The following KIF19 variants were observed in gnomAD, a reference collection of about 807,000 sequenced individuals.
KIF19 encodes kinesin-like protein KIF19.
In KIF19, 98 loss-of-function variants were observed where a neutral mutation model predicts 106.6. The observed-to-expected ratio is 0.92, with a 90% CI of 0.78 to 1.09. The LOEUF (loss-of-function observed/expected upper bound fraction) is 1.09. Ranked by LOEUF, KIF19 falls within the 50% of genes least tolerant of loss-of-function variation. The pLI is 0.00. For synonymous variants in KIF19, 516 were observed against 584.2 expected, an observed-to-expected ratio of 0.88 and a Z score of 1.68; for missense variants, 1,373 against 1,414.3, an observed-to-expected ratio of 0.97 and a Z score of 0.47.
intron 2 of KIF19, among the ~76,000 whole-genome samples, chr17:74,337,894 C>G (rs969542705): frequency 3.3e-5 from 5 of 152,200 alleles, no homozygotes; most frequent in African/African-American, 9.6e-5. Flanking sequence ...CCATTGTGTG[C>G]TAGAGGGGAC....
intron 4 of KIF19, 124 bp from the exon 5 acceptor site, chr17:74,342,900 C>T: frequency 7.7e-7 from 1 of 1,294,338 alleles, no homozygotes; most frequent in Non-Finnish European, 1.1e-6. Flanking sequence ...CCACTCCCCA[C>T]CACCTCCCTG....
At position 74,347,864 on chromosome 17, in the gene KIF19, A is replaced by C. The variant is rs776962371; in HGVS notation, c.1012A>C (p.Thr338Pro). 1 of 1,585,172 alleles carries C rather than the reference A, an allele frequency of 6.3e-7. No homozygotes were observed. The highest frequency in any genetic ancestry group is 8.6e-7 in the Non-Finnish European group (1 of 1,166,396). The change falls in exon 9 of 20, where the codon ACC becomes CCC. Residue 338 changes from threonine (T) to proline (P), a missense_variant. Transcript: ENST00000389916. Reference protein sequence around the residue: ...SAFEESRNTLTYAGRAKNIKT... With the variant: ...SAFEESRNTLPYAGRAKNIKT... ...CTTCGAGGAGTCCCGGAACACCCTG[A>C]CCTACGCCGGCCGGGCCAAGAACAT...
chr17:74,351,933 C>T lies in KIF19; in HGVS notation c.1654C>T (p.Arg552Trp). The T allele has an allele frequency of 2.8e-6, 4 of 1,453,660 alleles. No homozygotes were observed. The highest frequency in any genetic ancestry group is 3.6e-6 in the Non-Finnish European group (4 of 1,109,584). 90.0% of individuals were successfully genotyped at this position (1,453,660 alleles called of 1,614,324 possible). ...CCGGCGCCTGGAGGAGACGCTGCCG[C>T]GGCGCATCGGCTCCGAGGAGCAGCG... ...RGRRLEETLP[R>W]RIGSEEQREV... The change falls in exon 13 of 20, where the codon CGG (arginine) becomes TGG (tryptophan). Residue 552 changes from arginine to tryptophan, a missense_variant. Arg to Trp is a moderately radical substitution (Grantham distance 101, BLOSUM62 -3). This residue lies in a region of KIF19 where 1,020 missense variants were observed against 1,008.2 expected (regional missense o/e 1.01). Coordinates refer to ENST00000389916, the MANE Select transcript of KIF19 (RefSeq NM_153209.4).
intron 5 of KIF19, among the ~76,000 whole-genome samples, chr17:74,343,488 A>G (rs944188445): frequency 2.6e-5 from 4 of 152,210 alleles, no homozygotes; most frequent in African/African-American, 9.7e-5. Flanking sequence ...GATTCTGTGT[A>G]TGTGGGTACA....
intron 7 of KIF19, 106 bp downstream of exon 7, chr17:74,345,061 G>A (rs2054498366): frequency 8.8e-7 from 1 of 1,139,364 alleles, no homozygotes; most frequent in South Asian, 1.5e-5. Context: ...AGGAACAGGG[G>A]AGACAGGTTG....
chr17:74,341,125 A>G (rs1455747524), intron 2 of KIF19, among the ~76,000 whole-genome samples: 2 of 152,130 alleles, frequency 1.3e-5, no homozygotes, highest in East Asian at 1.9e-4. Flanking sequence ...ACTTGAGGTC[A>G]GGAGTTTGAG....
intron 7 of KIF19, among the ~76,000 whole-genome samples, chr17:74,345,767 C>A (rs1396876529): frequency 2.0e-5 from 3 of 152,096 alleles, no homozygotes; most frequent in Non-Finnish European, 4.4e-5. Flanking sequence ...AAGAAACTTA[C>A]CCCTCCCTTC....
chr17:74,340,277 C>T (rs1243043462), intron 2 of KIF19, among the ~76,000 whole-genome samples: 1 of 152,196 alleles, frequency 6.6e-6, no homozygotes, highest in Non-Finnish European at 1.5e-5. Flanking sequence ...TTGAATGTCT[C>T]CCGTCATTTC....
intron 10 of KIF19, among the ~76,000 whole-genome samples, chr17:74,349,695 C>T (rs567818811): frequency 2.0e-5 from 3 of 152,284 alleles, no homozygotes; most frequent in South Asian, 2.1e-4. Flanking sequence ...GAATGGGCTC[C>T]GTTTCCTTGT....
intron 9 of KIF19, 68 bp from the exon 10 acceptor site, chr17:74,349,116 G>T (rs1048750119): frequency 7.4e-5 from 116 of 1,560,784 alleles, no homozygotes; most frequent in Non-Finnish European, 9.8e-5. Flanking sequence ...GAAAGGCCCT[G>T]CAGGCAGGCC....
At chr17:74,333,983 C>T (rs1449743923) in intron 2 of KIF19, among the ~76,000 whole-genome samples, 1 of 151,592 alleles carries the variant, frequency 6.6e-6, no homozygotes, top group Non-Finnish European at 1.5e-5. Flanking sequence ...GCCACAGTGC[C>T]CAGTTGATTT....
chr17:74,327,737 C>T (rs1029300406), intron 1 of KIF19, among the ~76,000 whole-genome samples: 1 of 152,232 alleles, frequency 6.6e-6, no homozygotes, highest in Non-Finnish European at 1.5e-5. Flanking sequence ...TCCTAAAGTG[C>T]TGGGATTACA....
rs749875125 is a variant in KIF19, at chr17:74,354,147, C to T, written c.2309-15C>T. On this transcript the variant is annotated splice_polypyrimidine_tract_variant and intron_variant, in intron 17 of 19. Coordinates refer to ENST00000389916, the MANE Select transcript of KIF19 (RefSeq NM_153209.4). ...CCTTGATCTCGGGTTGTATGTTCCC[C>T]GTGTCCCGCTGCAGAGAGGAAGGAG... 2.1e-5 allele frequency: 34 copies of T among 1,592,208 alleles called. No individual in the cohort carries two copies. The highest frequency in any genetic ancestry group is 3.4e-4 in the Middle Eastern group (2 of 5,932).
At chr17:74,353,647 C>T in intron 17 of KIF19, 66 bp downstream of exon 17, 1 of 1,324,910 alleles carries the variant, frequency 7.5e-7, no homozygotes, top group Non-Finnish European at 1.1e-6. Flanking sequence ...GATCACCCAG[C>T]TCAAAGCCCT....
chr17:74,329,299 T>G (rs2054005780), intron 2 of KIF19: 1 of 151,688 alleles, frequency 6.6e-6, no homozygotes, highest in Non-Finnish European at 1.5e-5. Flanking sequence ...ATACAAAAAT[T>G]TAGCTGGGCG....
chr17:74,347,828 G>T lies in KIF19; in HGVS notation c.976G>T (p.Ala326Ser). Residue 326 changes from alanine (A) to serine (S), a missense_variant, in exon 9 of 20, where the codon GCG becomes TCG. Physicochemically the swap from Ala to Ser is moderately conservative, Grantham distance 99. Around this residue, in one of 3 missense-constraint regions of KIF19, gnomAD observed 1,020 missense variants for 1,008.2 expected, o/e 1.01. Coordinates refer to ENST00000389916, the MANE Select transcript of KIF19 (RefSeq NM_153209.4). ...RTVMIAHISP[A>S]SSAFEESRNT... ...AGTGATGATCGCTCACATCAGTCCTGCGAGCAGTGCCTTCGAGGAGTCCCG... is the reference window on the plus strand; with the variant it reads ...AGTGATGATCGCTCACATCAGTCCTTCGAGCAGTGCCTTCGAGGAGTCCCG... The T allele has an allele frequency of 3.8e-6, 6 of 1,587,054 alleles. No individual in the cohort carries two copies. Among genetic ancestry groups the T allele is most frequent in the Non-Finnish European group, 5.1e-6 (6 of 1,167,226 alleles).
chr17:74,342,069 T>C, intron 3 of KIF19, 83 bp downstream of exon 3: 1 of 1,016,728 alleles, frequency 9.8e-7, no homozygotes, highest in Non-Finnish European at 1.5e-6. Flanking sequence ...CCAGGGCCCC[T>C]GCCTTTGAAC....
intron 2 of KIF19, among the ~76,000 whole-genome samples, chr17:74,332,212 G>GTGTGTGTGTT (rs2054110516): frequency 1.3e-4 from 5 of 38,002 alleles, no homozygotes; most frequent in African/African-American, 4.2e-4. Flanking sequence ...GTGTGTGTTT[G>GTGTGTGTGTT]TGTGTGTGTG....
In KIF19 at chr17:74,350,593, G is replaced by T. The variant is rs924809917; in HGVS notation, c.1388+18G>T. ...ATCGCCGGGTAAGCCCCCCTCCCAG[G>T]ACCCTCCAGGCCCCACCCCTGTGCC... On this transcript the variant is annotated intron_variant, in intron 11 of 19. Coordinates refer to ENST00000389916, the MANE Select transcript of KIF19 (RefSeq NM_153209.4). 3.1e-6 allele frequency: 5 copies of T among 1,611,762 alleles called. No homozygotes were observed. Among genetic ancestry groups the T allele is most frequent in the Non-Finnish European group, 4.2e-6 (5 of 1,179,228 alleles).
Sources: gnomAD v4.1 joint callset for allele counts (sites outside exome capture counted in the v4.1 genomes callset) on GRCh38, gnomAD v4.1.1 for gene constraint, gnomAD v4.1.1 regional missense constraint, MANE v1.5 for transcripts, NCBI Gene and HGNC (gene_info 2026-07-23, HGNC 2026-07-21) for gene names.